The following EEPD1 variants were observed in gnomAD, a reference collection of about 807,000 sequenced individuals.
The protein encoded by EEPD1 is endonuclease/exonuclease/phosphatase family domain containing 1.
Under a neutral mutation model 46.3 loss-of-function variants are expected in EEPD1, and 17 were observed. The observed-to-expected ratio is 0.37, with a 90% CI of 0.25 to 0.55. EEPD1 has a LOEUF of 0.55. EEPD1 is among the 20% of genes least tolerant of loss of function. EEPD1 has a pLI of 0.83. For synonymous variants in EEPD1, 313 were observed against 315.6 expected (o/e 0.99, Z 0.09); for missense variants, 673 against 745.6 (o/e 0.90, Z 1.13).
intron 2 of EEPD1, among the ~76,000 whole-genome samples, chr7:36,190,358 C>T (rs929224540): frequency 1.3e-4 from 20 of 152,120 alleles, no homozygotes; most frequent in Admixed American, 8.5e-4. Context: ...GGCAACAGAG[C>T]GAGACCCTGT....
intron 2 of EEPD1, among the ~76,000 whole-genome samples, chr7:36,175,561 T>G (rs1428774490): frequency 2.0e-5 from 3 of 152,072 alleles, no homozygotes; most frequent in Admixed American, 2.0e-4. Flanking sequence ...TTTGAGATTA[T>G]TAGAGTCACA....
intron 2 of EEPD1, among the ~76,000 whole-genome samples, chr7:36,219,775 A>AAGAGAGAGAG (rs752270283): frequency 7.6e-5 from 9 of 119,006 alleles, no homozygotes; most frequent in African/African-American, 3.0e-4. Context: ...GAGAGAGAGA[A>AAGAGAGAGAG]AGAGAGAGAG....
intron 2 of EEPD1, among the ~76,000 whole-genome samples, chr7:36,219,936 G>A (rs1786115427): frequency 6.6e-6 from 1 of 151,800 alleles, no homozygotes; most frequent in Admixed American, 6.6e-5. Flanking sequence ...GGAAAGGTAG[G>A]AAAATCAGAC....
chr7:36,275,737 G>A (rs1478773894), intron 3 of EEPD1, among the ~76,000 whole-genome samples: 1 of 152,228 alleles, frequency 6.6e-6, no homozygotes, highest in Admixed American at 6.5e-5. Context: ...TGGGATTACA[G>A]GTGTGAGCCA....
At chr7:36,284,930 G>T (rs1348374289) in intron 5 of EEPD1, 110 bp downstream of exon 5, 1 of 1,331,628 alleles carries the variant, frequency 7.5e-7, no homozygotes, top group Non-Finnish European at 9.7e-7. Context: ...TTTTTGCCTT[G>T]ATTTCAGCCT....
chr7:36,165,393 C>T (rs999137403), intron 2 of EEPD1, among the ~76,000 whole-genome samples: 6 of 145,674 alleles, frequency 4.1e-5, no homozygotes, highest in East Asian at 2.0e-4. Flanking sequence ...ATGATGAAAT[C>T]GCCTAATGAT....
chr7:36,256,307 G>A (rs1332752233), intron 3 of EEPD1, among the ~76,000 whole-genome samples: 2 of 152,176 alleles, frequency 1.3e-5, no homozygotes, highest in Non-Finnish European at 2.9e-5. Context: ...ATTGATTTGG[G>A]GTGGAGAGTT....
chr7:36,197,252 G>GC (rs1433187698), intron 2 of EEPD1, among the ~76,000 whole-genome samples: 1 of 144,014 alleles, frequency 6.9e-6, no homozygotes, highest in Non-Finnish European at 1.5e-5. Context: ...GGGGGGTCAG[G>GC]CCCCCGCCCG....
At chr7:36,208,728 A>G (rs542604073) in intron 2 of EEPD1, among the ~76,000 whole-genome samples, 1 of 152,374 alleles carries the variant, frequency 6.6e-6, no homozygotes, top group East Asian at 1.9e-4. Flanking sequence ...CAGGAACTGT[A>G]CTAAGTACTT....
chr7:36,199,947 T>A (rs1277524699), intron 2 of EEPD1, among the ~76,000 whole-genome samples: 2 of 152,234 alleles, frequency 1.3e-5, no homozygotes, highest in African/African-American at 4.8e-5. Context: ...CCTGGCCCTA[T>A]GTAGGCATTT....
At chr7:36,192,053 C>T (rs1785470787) in intron 2 of EEPD1, among the ~76,000 whole-genome samples, 1 of 152,214 alleles carries the variant, frequency 6.6e-6, no homozygotes, top group Non-Finnish European at 1.5e-5. Flanking sequence ...TAAAATGTCT[C>T]ATCTGTGTGC....
In EEPD1 at chr7:36,154,754, C is replaced by CCGGCCCGCT; in HGVS notation, c.436_437insGCTCGGCCC (p.Ala145_Gln146insArgSerAla). 6.2e-7 allele frequency: 1 copy of CCGGCCCGCT among 1,614,132 alleles called. No homozygotes were observed. Among genetic ancestry groups the CCGGCCCGCT allele is most frequent in the Non-Finnish European group, 8.5e-7 (1 of 1,180,028 alleles). ...ACGTGTTAACATCAACACAGCCACC[C>CCGGCCCGCT]CGGCCCAGCTCATGAGCGTGCGAGG... On this transcript the variant is annotated inframe_insertion, in exon 2 of 8. Transcript: ENST00000242108. This position sits in a 1 kb window ranked among gnomAD's most constrained non-coding sequence, Gnocchi z 4.2.
At chr7:36,297,973 G>T (rs1252911261) in intron 7 of EEPD1, among the ~76,000 whole-genome samples, 1 of 152,202 alleles carries the variant, frequency 6.6e-6, no homozygotes, top group African/African-American at 2.4e-5. Flanking sequence ...GCAGGGCCTG[G>T]CTTTTATTGC....
At chr7:36,255,023 G>A (rs1317104703) in intron 3 of EEPD1, among the ~76,000 whole-genome samples, 1 of 152,164 alleles carries the variant, frequency 6.6e-6, no homozygotes, top group African/African-American at 2.4e-5. Context: ...GTTTCTTGTA[G>A]ATTCTGGATA....
chr7:36,206,743 G>T (rs758401639), intron 2 of EEPD1, among the ~76,000 whole-genome samples: 1 of 152,122 alleles, frequency 6.6e-6, no homozygotes, highest in Non-Finnish European at 1.5e-5. Flanking sequence ...ATGTTTTCCT[G>T]TGCACCTAAA....
chr7:36,156,380 C>T (rs1028604799), intron 2 of EEPD1, among the ~76,000 whole-genome samples: 5 of 152,164 alleles, frequency 3.3e-5, no homozygotes, highest in African/African-American at 9.7e-5. Context: ...CTTGAATGCT[C>T]TCCCTGCACT....
chr7:36,166,536 C>A (rs1483569724), intron 2 of EEPD1, among the ~76,000 whole-genome samples: 1 of 151,896 alleles, frequency 6.6e-6, no homozygotes, highest in Admixed American at 6.6e-5. Context: ...GCCCTGGCGA[C>A]ATAGCGAGAC....
At chr7:36,157,641 C>G (rs1196329565) in intron 2 of EEPD1, among the ~76,000 whole-genome samples, 1 of 152,210 alleles carries the variant, frequency 6.6e-6, no homozygotes. Context: ...CACTCTTGGC[C>G]AAATGTGTTG....
chr7:36,170,997 C>T (rs914964169), intron 2 of EEPD1, among the ~76,000 whole-genome samples: 1 of 152,214 alleles, frequency 6.6e-6, no homozygotes, highest in Non-Finnish European at 1.5e-5. Flanking sequence ...TCACAGCTCA[C>T]AGCAGCCTCA....
Sources: gnomAD v4.1 joint callset for allele counts (sites outside exome capture counted in the v4.1 genomes callset) on GRCh38, gnomAD v4.1.1 for gene constraint, Gnocchi (gnomAD v3.1) non-coding constraint, MANE v1.5 for transcripts, NCBI Gene and HGNC (gene_info 2026-07-23, HGNC 2026-07-21) for gene names.